PLXDC2: variants seen among roughly 807,000 people sequenced by gnomAD.
PLXDC2 encodes plexin domain-containing protein 2.
A neutral mutation model predicts 68.9 loss-of-function variants in PLXDC2; 40 were observed. The observed-to-expected ratio is 0.58, with a 90% CI of 0.45 to 0.76. The LOEUF is 0.76. PLXDC2 is among the 30% of genes least tolerant of loss of function. The pLI, the probability that PLXDC2 is intolerant of heterozygous loss-of-function variation, is 0.00. For synonymous variants in PLXDC2, 243 were observed against 234.2 expected (o/e 1.04, Z -0.34); for missense variants, 644 against 661.9 (o/e 0.97, Z 0.30).
chr10:19,965,733 C>A, intron 1 of PLXDC2, among the ~76,000 whole-genome samples: 1 of 150,014 alleles, frequency 6.7e-6, no homozygotes, highest in Non-Finnish European at 1.5e-5. Flanking sequence ...GGGGGGGTTA[C>A]ATAATTCAAT....
intron 3 of PLXDC2, among the ~76,000 whole-genome samples, chr10:20,063,195 A>ATTC (rs1216688080): frequency 3.9e-5 from 6 of 152,182 alleles, no homozygotes; most frequent in Admixed American, 3.9e-4. Flanking sequence ...TGCTCATTGT[A>ATTC]TTCTTTTGAT....
In PLXDC2 at chr10:19,976,945, A is replaced by C. The variant is rs568064980; in HGVS notation, c.113-24830A>C. Among the ~76,000 whole-genome samples, 9 of 148,318 alleles carry C rather than the reference A, an allele frequency of 6.1e-5. No homozygotes were observed. The South Asian group carries it at 1.9e-3, about 32-fold the overall frequency. Reference sequence around the variant, plus strand: ...ATTGAAATTTCAATTTCTAGGAGTTATTTCCTCCTATTTTTTATTTAAATA... The same window carrying C: ...ATTGAAATTTCAATTTCTAGGAGTTCTTTCCTCCTATTTTTTATTTAAATA... On this transcript the variant is annotated intron_variant, in intron 1 of 13. Coordinates refer to ENST00000377252, the MANE Select transcript of PLXDC2 (RefSeq NM_032812.9).
intron 4 of PLXDC2, among the ~76,000 whole-genome samples, chr10:20,074,955 A>C (rs1045829632): frequency 3.3e-5 from 5 of 152,178 alleles, no homozygotes; most frequent in African/African-American, 1.2e-4. Flanking sequence ...ATGCTGGATG[A>C]AAGTAAATTC....
chr10:19,866,520 A>T (rs1283185256), intron 1 of PLXDC2, among the ~76,000 whole-genome samples: 1 of 152,186 alleles, frequency 6.6e-6, no homozygotes, highest in Non-Finnish European at 1.5e-5. Flanking sequence ...TAGTCTCCCT[A>T]TCTTAAAGTC....
chr10:20,160,330 A>G (rs1277498435), intron 6 of PLXDC2, among the ~76,000 whole-genome samples: 6 of 152,132 alleles, frequency 3.9e-5, no homozygotes. Flanking sequence ...ACCCATGAAT[A>G]TGTACACTTA....
intron 2 of PLXDC2, among the ~76,000 whole-genome samples, chr10:20,029,825 T>A (rs544057126): frequency 6.6e-6 from 1 of 152,322 alleles, no homozygotes; most frequent in Non-Finnish European, 1.5e-5. Flanking sequence ...CTTCTTTATT[T>A]TTAATAACTC....
intron 9 of PLXDC2, among the ~76,000 whole-genome samples, chr10:20,182,071 T>TTGTGTG (rs111252782): frequency 0.011 from 1,558 of 146,546 alleles, 24 homozygotes; most frequent in African/African-American, 0.034. Context: ...AACCGGTTAT[T>TTGTGTG]TGTGTGTGTG....
rs143090737 is a variant in PLXDC2 at position 20,174,514 on chromosome 10, C to T, written c.884-2485C>T. Among the ~76,000 whole-genome samples, 1,373 of 152,172 alleles carry T rather than the reference C, an allele frequency of 9.0e-3. 24 individuals carry two copies. The highest frequency in any genetic ancestry group is 0.032 in the African/African-American group (1,308 of 41,514). On this transcript the variant is annotated intron_variant, in intron 7 of 13. Coordinates refer to ENST00000377252, the MANE Select transcript of PLXDC2 (RefSeq NM_032812.9). The stretch of plus-strand genomic sequence containing the variant: ...GATATTTTCAGCCTGTGACCCAGAG[C>T]CACTCCTAGCCCCAAAAGGGTTTGC...
At chr10:19,890,182 A>G (rs1404783782) in intron 1 of PLXDC2, among the ~76,000 whole-genome samples, 1 of 152,188 alleles carries the variant, frequency 6.6e-6, no homozygotes, top group Non-Finnish European at 1.5e-5. Context: ...TTTAAACTCC[A>G]TAGTCATGAT....
At chr10:20,041,819 C>T (rs1360109363) in intron 2 of PLXDC2, among the ~76,000 whole-genome samples, 1 of 152,070 alleles carries the variant, frequency 6.6e-6, no homozygotes, top group Non-Finnish European at 1.5e-5. Flanking sequence ...TGGACAGCCT[C>T]CTTCTGTATC....
chr10:20,184,405 G>A (rs555377823), intron 9 of PLXDC2, among the ~76,000 whole-genome samples: 18 of 148,360 alleles, frequency 1.2e-4, no homozygotes, highest in African/African-American at 3.4e-4. Context: ...GTATACAAAC[G>A]ATATATAGTT....
At chr10:19,924,042 T>A (rs1327992191) in intron 1 of PLXDC2, among the ~76,000 whole-genome samples, 1 of 152,168 alleles carries the variant, frequency 6.6e-6, no homozygotes, top group Non-Finnish European at 1.5e-5. Flanking sequence ...GGCAGCAGAA[T>A]GAGACTCTGT....
At chr10:20,143,964 T>C (rs146808546) in intron 5 of PLXDC2, among the ~76,000 whole-genome samples, 34 of 151,680 alleles carry the variant, frequency 2.2e-4, no homozygotes, top group East Asian at 1.4e-3. Context: ...CCAAGAGCAA[T>C]GTATCCCTGC....
At chr10:19,973,156 T>G (rs1288309910) in intron 1 of PLXDC2, among the ~76,000 whole-genome samples, 1 of 151,320 alleles carries the variant, frequency 6.6e-6, no homozygotes, top group Non-Finnish European at 1.5e-5. Flanking sequence ...AATTTCTATA[T>G]CTTTGTGAAA....
chr10:19,899,695 C>T (rs1838125709), intron 1 of PLXDC2, among the ~76,000 whole-genome samples: 1 of 152,052 alleles, frequency 6.6e-6, no homozygotes, highest in Non-Finnish European at 1.5e-5. Flanking sequence ...ATAAATCATT[C>T]AACTTCATAT....
At chr10:19,911,026 A>G (rs910047773) in intron 1 of PLXDC2, among the ~76,000 whole-genome samples, 3 of 151,200 alleles carry the variant, frequency 2.0e-5, no homozygotes, top group African/African-American at 4.9e-5. Context: ...AAAAAACAAA[A>G]CAAAACAAAA....
chr10:19,971,435 C>T (rs528900980), intron 1 of PLXDC2, among the ~76,000 whole-genome samples: 1 of 152,200 alleles, frequency 6.6e-6, no homozygotes, highest in Non-Finnish European at 1.5e-5. Context: ...TTCCCCTTAA[C>T]AATCGAAGTT....
intron 3 of PLXDC2, among the ~76,000 whole-genome samples, chr10:20,067,143 T>A (rs11011775): frequency 0.2 from 30,646 of 152,058 alleles, 4,540 homozygotes; most frequent in African/African-American, 0.42. Context: ...ATTTTAATAT[T>A]TATTTTTTAA....
chr10:19,860,928 C>T (rs1261693481), intron 1 of PLXDC2, among the ~76,000 whole-genome samples: 1 of 152,108 alleles, frequency 6.6e-6, no homozygotes. Flanking sequence ...TTTACTTTCT[C>T]AACATCTCTT....
Sources: gnomAD v4.1 joint callset for allele counts (sites outside exome capture counted in the v4.1 genomes callset) on GRCh38, gnomAD v4.1.1 for gene constraint, MANE v1.5 for transcripts, NCBI Gene and HGNC (gene_info 2026-07-23, HGNC 2026-07-21) for gene names.